Variants in ADARB2 observed in about 807,000 individuals in gnomAD.
ADARB2 encodes the protein inactive double-stranded RNA-specific editase B2.
ADARB2 carries 25 observed loss-of-function variants against 62.2 expected under a neutral mutation model. The ratio of observed to expected loss-of-function variants is 0.40; its 90% CI spans 0.29 to 0.56. The LOEUF (loss-of-function observed/expected upper bound fraction) is 0.56. ADARB2 is among the 20% of genes least tolerant of loss of function. ADARB2 has a pLI of 0.43. For missense variants in ADARB2, 1,071 were observed against 1,077.4 expected, an observed-to-expected ratio of 0.99 and a Z score of 0.08; for synonymous variants, 572 against 500.8, an observed-to-expected ratio of 1.14 and a Z score of -1.90.
chr10:1,581,189 G>T (rs2676726), intron 1 of ADARB2, among the ~76,000 whole-genome samples: 1,606 of 152,360 alleles, frequency 0.011, 22 homozygotes, highest in African/African-American at 0.036. Context: ...GAAGACTGCT[G>T]TGGGGCCAGC....
chr10:1,629,089 G>T (rs1482791497), intron 1 of ADARB2, among the ~76,000 whole-genome samples: 4 of 152,200 alleles, frequency 2.6e-5, no homozygotes, highest in Admixed American at 1.3e-4. Flanking sequence ...CAAGCTGTTC[G>T]CCAGGGTGTC....
chr10:1,402,589 C>G (rs560785136), intron 1 of ADARB2, among the ~76,000 whole-genome samples: 1 of 152,124 alleles, frequency 6.6e-6, no homozygotes, highest in South Asian at 2.1e-4. Context: ...CAGCCAATGG[C>G]GCACACTGTC....
At chr10:1,277,535 C>T (rs370780474) in intron 3 of ADARB2, among the ~76,000 whole-genome samples, 3 of 152,038 alleles carry the variant, frequency 2.0e-5, no homozygotes, top group Non-Finnish European at 4.4e-5. Context: ...ACACATACAC[C>T]CTCCCAAGAC....
intron 1 of ADARB2, among the ~76,000 whole-genome samples, chr10:1,623,895 A>G (rs1833736287): frequency 6.6e-6 from 1 of 152,242 alleles, no homozygotes; most frequent in Non-Finnish European, 1.5e-5. Context: ...GCACAGCAAG[A>G]TGAAATGATT....
chr10:1,322,194 T>C (rs1182688617), intron 3 of ADARB2, among the ~76,000 whole-genome samples: 1 of 152,124 alleles, frequency 6.6e-6, no homozygotes, highest in Non-Finnish European at 1.5e-5. Flanking sequence ...GAGATGGATA[T>C]AATTTCGGAT....
intron 3 of ADARB2, among the ~76,000 whole-genome samples, chr10:1,329,237 G>A (rs2131832896): frequency 6.6e-6 from 1 of 152,276 alleles, no homozygotes; most frequent in South Asian, 2.1e-4. Context: ...GTTGAGATGT[G>A]AAAATTGTCA....
At chr10:1,191,764 G>A (rs1004828464) in intron 8 of ADARB2, among the ~76,000 whole-genome samples, 2 of 152,226 alleles carry the variant, frequency 1.3e-5, no homozygotes, top group African/African-American at 4.8e-5. Flanking sequence ...TATTCTGCCA[G>A]GTTGTCTGGT....
At chr10:1,271,893 C>A (rs113731069) in intron 3 of ADARB2, among the ~76,000 whole-genome samples, 3,816 of 152,322 alleles carry the variant, frequency 0.025, 73 homozygotes, top group Admixed American at 0.045. Flanking sequence ...CTGGTTGGAC[C>A]CTCAGTTCTG....
At chr10:1,399,062 T>A (rs1345364044) in intron 1 of ADARB2, among the ~76,000 whole-genome samples, 2 of 152,150 alleles carry the variant, frequency 1.3e-5, no homozygotes, top group Non-Finnish European at 2.9e-5. Flanking sequence ...TGACATGGAA[T>A]GTAGGAAACA....
At chr10:1,732,375 T>A (rs1430942494) in intron 1 of ADARB2, among the ~76,000 whole-genome samples, 1 of 151,878 alleles carries the variant, frequency 6.6e-6, no homozygotes, top group Non-Finnish European at 1.5e-5. Flanking sequence ...CTGAGATGGT[T>A]CTTCTGCAGG....
intron 1 of ADARB2, among the ~76,000 whole-genome samples, chr10:1,534,433 C>T (rs4880860): frequency 0.31 from 47,273 of 152,242 alleles, 8,425 homozygotes; most frequent in East Asian, 0.6. Flanking sequence ...CCACCGCTCC[C>T]GGCCTCTTGC....
At chr10:1,489,986 A>G (rs1831599724) in intron 1 of ADARB2, among the ~76,000 whole-genome samples, 1 of 152,240 alleles carries the variant, frequency 6.6e-6, no homozygotes, top group African/African-American at 2.4e-5. Flanking sequence ...AGGTGCACGG[A>G]CAACAAAGAC....
intron 1 of ADARB2, among the ~76,000 whole-genome samples, chr10:1,556,409 T>G (rs962857374): frequency 1.3e-5 from 2 of 152,166 alleles, no homozygotes; most frequent in Non-Finnish European, 2.9e-5. Context: ...AACTCTACCC[T>G]GTGCCGATTC....
At chr10:1,539,672 G>T (rs1462730302) in intron 1 of ADARB2, among the ~76,000 whole-genome samples, 1 of 152,224 alleles carries the variant, frequency 6.6e-6, no homozygotes. Flanking sequence ...GCTCCTGTTT[G>T]ACAATTTTGC....
intron 3 of ADARB2, among the ~76,000 whole-genome samples, chr10:1,328,072 A>G (rs1831892953): frequency 6.6e-6 from 1 of 152,250 alleles, no homozygotes; most frequent in Admixed American, 6.5e-5. Context: ...AGGAAGCCTT[A>G]CAGTAACCCA....
chr10:1,653,591 C>A (rs1452370274), intron 1 of ADARB2, among the ~76,000 whole-genome samples: 1 of 150,876 alleles, frequency 6.6e-6, no homozygotes, highest in African/African-American at 2.5e-5. Context: ...GCCTGCAGAG[C>A]CACAGTCTCC....
intron 1 of ADARB2, among the ~76,000 whole-genome samples, chr10:1,415,941 C>T (rs1409552747): frequency 6.6e-6 from 1 of 152,208 alleles, no homozygotes; most frequent in Non-Finnish European, 1.5e-5. Context: ...GAGGCTGATT[C>T]TACCACTCAC....
At chr10:1,188,343 C>T (rs1212172788) in intron 8 of ADARB2, 1 of 152,272 alleles carries the variant, frequency 6.6e-6, no homozygotes, top group Non-Finnish European at 1.5e-5. Context: ...AGTTAGATCA[C>T]AGGGAACATT....
Position 1,288,824 on chromosome 10 carries a change from CGAGGCACTCT to C in ADARB2, c.1078-17765_1078-17756del, listed in dbSNP as rs540993031. Among the ~76,000 whole-genome samples, 19 of 152,256 alleles carry C rather than the reference CGAGGCACTCT, an allele frequency of 1.2e-4. No individual in the cohort carries two copies. The East Asian group carries it at 3.7e-3, about 29-fold the overall frequency. ...AATAGGGGTTTCTGACAGAGGATGC[CGAGGCACTCT>C]GACATGTGACGCGGTTGTCTAAACG... On this transcript the variant is annotated intron_variant, in intron 3 of 9. Coordinates refer to ENST00000381312, the MANE Select transcript of ADARB2 (RefSeq NM_018702.4).
Sources: gnomAD v4.1 joint callset for allele counts (sites outside exome capture counted in the v4.1 genomes callset) on GRCh38, gnomAD v4.1.1 for gene constraint, MANE v1.5 for transcripts, NCBI Gene and HGNC (gene_info 2026-07-23, HGNC 2026-07-21) for gene names.